SMYD4: variants seen among roughly 807,000 people sequenced by gnomAD.
SMYD4 encodes SET and MYND domain containing 4, also known as protein-lysine N-methyltransferase SMYD4.
Under a neutral mutation model 72.8 loss-of-function variants are expected in SMYD4, and 68 were observed. The observed-to-expected ratio is 0.93, with a 90% CI of 0.77 to 1.14. SMYD4 has a LOEUF of 1.14. SMYD4 is among the 50% of genes most tolerant of loss of function. SMYD4 has a pLI of 0.00. For missense variants in SMYD4, 984 were observed against 1,003.7 expected (o/e 0.98, Z 0.27); for synonymous variants, 407 against 388.6 (o/e 1.05, Z -0.56).
At chr17:1,789,702 T>C (rs1490341908) in intron 5 of SMYD4, among the ~76,000 whole-genome samples, 2 of 138,314 alleles carry the variant, frequency 1.4e-5, no homozygotes, top group African/African-American at 5.2e-5. Flanking sequence ...GAGGTGGAGG[T>C]TGCAGTGAGC....
chr17:1,783,040 G>T lies in SMYD4; in HGVS notation c.2256C>A (p.Phe752Leu). The change falls in exon 10 of 11, where the codon TTC (phenylalanine) becomes TTA (leucine). Residue 752 changes from phenylalanine to leucine, a missense_variant. Phe to Leu is a conservative substitution (Grantham distance 22). Transcript: ENST00000305513. ...HELFKLAQIF[F>L]NGFAVPEALS... is the part of the protein sequence containing the mutation. ...GAAGTGGGAAAGGGACTCACCCGTT[G>T]AAAAAGATCTGGGCCAATTTGAAGA... The T allele has an allele frequency of 1.9e-6, 3 of 1,613,906 alleles. No homozygotes were observed. The highest frequency in any genetic ancestry group is 2.5e-6 in the Non-Finnish European group (3 of 1,179,958).
At chr17:1,798,920 T>G (rs1315943581) in intron 5 of SMYD4, among the ~76,000 whole-genome samples, 1 of 150,514 alleles carries the variant, frequency 6.6e-6, no homozygotes, top group Non-Finnish European at 1.5e-5. Flanking sequence ...ATAAATAAAG[T>G]AAAATAAAAA....
intron 7 of SMYD4, 23 bp from the exon 8 acceptor site, chr17:1,784,484 T>C (rs372223314): frequency 1.8e-5 from 29 of 1,613,536 alleles, no homozygotes; most frequent in Middle Eastern, 1.7e-4. Context: ...GTTTTCTCTT[T>C]ATTCCAATGC....
In SMYD4 at chr17:1,800,351, CAA is replaced by C. The variant is rs1567775384; in HGVS notation, c.1041_1042del (p.Phe347LeufsTer14). ...AAGAGTCAACCTCAGGGCAATGTGG[CAA>C]AAGACACCCAGTGTGAGAAGCAGCC... On this transcript the variant is annotated frameshift_variant, in exon 5 of 11. Transcript: ENST00000305513. LOFTEE classifies it high-confidence loss of function. The C allele has an allele frequency of 1.2e-6, 2 of 1,614,162 alleles. No homozygotes were observed. The highest frequency in any genetic ancestry group is 1.3e-5 in the African/African-American group (1 of 75,048).
At chr17:1,796,210 T>G (rs1329905560) in intron 5 of SMYD4, among the ~76,000 whole-genome samples, 1 of 151,552 alleles carries the variant, frequency 6.6e-6, no homozygotes, top group Non-Finnish European at 1.5e-5. Flanking sequence ...CATGTCTCAC[T>G]GAAGCCTCGA....
At chr17:1,788,900 T>C (rs955893055) in intron 5 of SMYD4, among the ~76,000 whole-genome samples, 1 of 152,158 alleles carries the variant, frequency 6.6e-6, no homozygotes, top group African/African-American at 2.4e-5. Context: ...AAAGATAACC[T>C]TGGGCACACA....
chr17:1,793,716 T>C (rs1290625392), intron 5 of SMYD4, among the ~76,000 whole-genome samples: 2 of 151,902 alleles, frequency 1.3e-5, no homozygotes, highest in African/African-American at 4.8e-5. Flanking sequence ...GTGGTCATGT[T>C]TGCAAACAGC....
chr17:1,806,147 G>A (rs1049550324), intron 3 of SMYD4, among the ~76,000 whole-genome samples: 5 of 151,860 alleles, frequency 3.3e-5, no homozygotes, highest in East Asian at 1.9e-4. Flanking sequence ...GGATGGTCTC[G>A]ATCTCGTGAC....
chr17:1,784,564 G>A, intron 7 of SMYD4, 103 bp from the exon 8 acceptor site: 1 of 1,528,928 alleles, frequency 6.5e-7, no homozygotes, highest in Non-Finnish European at 8.8e-7. Context: ...CCTCATGGGG[G>A]AAAGAGACTC....
chr17:1,800,632 G>T lies in SMYD4; in HGVS notation c.762C>A (p.Leu254=). Reference sequence around the variant, plus strand: ...CCTCCTGCACCAGGAGCTCTCCTGGGAGAATATCTTTTGTGGCAACGAGAC... The same window carrying T: ...CCTCCTGCACCAGGAGCTCTCCTGGTAGAATATCTTTTGTGGCAACGAGAC... The part of the protein sequence containing the change: ...GRCLVATKDI[L]PGELLVQEDA... The change falls in exon 5 of 11, where the codon CTC becomes CTA. Residue 254 remains leucine (L), a synonymous_variant. Transcript: ENST00000305513. 1 of 1,614,174 alleles carries T rather than the reference G, an allele frequency of 6.2e-7. No individual in the cohort carries two copies.
intron 2 of SMYD4, among the ~76,000 whole-genome samples, chr17:1,812,545 C>CTTTT (rs71150818): frequency 3.8e-4 from 24 of 63,690 alleles, no homozygotes; most frequent in Admixed American, 8.5e-4. Flanking sequence ...AGCAGAATTT[C>CTTTT]TTTTTTTTTT....
In SMYD4 at chr17:1,800,776, T is replaced by C; in HGVS notation, c.618A>G (p.Glu206=). The part of the protein sequence containing the change: ...MKMQEKDSLT[E]SFPAALAKTL... ...TTTTGGCCAGAGCTGCTGGGAAGCT[T>C]TCTGTGAGACTGTCCTTTTCTTGCA... The change falls in exon 5 of 11, where the codon GAA becomes GAG. Residue 206 remains glutamate, a synonymous_variant. Transcript: ENST00000305513. 1.2e-6 allele frequency: 2 copies of C among 1,614,178 alleles called. No homozygotes were observed. Among genetic ancestry groups the C allele is most frequent in the South Asian group, 2.2e-5 (2 of 91,084 alleles).
intron 3 of SMYD4, among the ~76,000 whole-genome samples, chr17:1,807,653 G>A (rs966796809): frequency 3.9e-5 from 6 of 152,162 alleles, no homozygotes; most frequent in Non-Finnish European, 5.9e-5. Flanking sequence ...GCGAGCCACC[G>A]CGCCCGGCCT....
At position 1,781,410 on chromosome 17, in the gene SMYD4, A is replaced by G; in HGVS notation, c.2291T>C (p.Ile764Thr). Residue 764 changes from isoleucine to threonine, a missense_variant, in exon 11 of 11, where the codon ATA becomes ACA. By Grantham distance (89) the Ile-to-Thr change is moderately conservative. Coordinates refer to ENST00000305513, the MANE Select transcript of SMYD4 (RefSeq NM_052928.3). The stretch of plus-strand genomic sequence containing the variant: ...CGACAGAACCTCCTCAGCTTTCTGT[A>G]TTGTGCTCAGGGCTTCGGGTACTGC... The part of the protein sequence containing the change: ...GFAVPEALST[I>T]QKAEEVLSLH... The G allele has an allele frequency of 4.3e-6, 7 of 1,614,056 alleles. No individual in the cohort carries two copies. Among genetic ancestry groups the G allele is most frequent in the Non-Finnish European group, 5.9e-6 (7 of 1,179,988 alleles).
chr17:1,819,150 A>T (rs1183981105), intron 2 of SMYD4, among the ~76,000 whole-genome samples: 2 of 152,062 alleles, frequency 1.3e-5, no homozygotes, highest in African/African-American at 4.8e-5. Flanking sequence ...TGAGGTCAGG[A>T]GTTCGAGACC....
At chr17:1,788,606 G>A (rs1908833255) in intron 5 of SMYD4, among the ~76,000 whole-genome samples, 1 of 151,976 alleles carries the variant, frequency 6.6e-6, no homozygotes. Context: ...TTAGCTGGGT[G>A]TGGTGGTACG....
At chr17:1,820,308 T>G (rs775664712) in intron 2 of SMYD4, among the ~76,000 whole-genome samples, 1 of 152,056 alleles carries the variant, frequency 6.6e-6, no homozygotes, top group East Asian at 1.9e-4. Flanking sequence ...GGTACCATCA[T>G]AGCTCACGAC....
Position 1,789,391 on chromosome 17 carries a change from C to CA in SMYD4, c.1538-1788dup, listed in dbSNP as rs907053158. Among the ~76,000 whole-genome samples, 11 of 147,646 alleles carry CA rather than the reference C, an allele frequency of 7.5e-5. 1 individual carries two copies. The South Asian group carries it at 1.1e-3, about 15-fold the overall frequency. ...GACAGAGCAAAACTGTCTCGCAAAA[C>CA]AAAAAAAACAAATTCACCAAAGAAA... On this transcript the variant is annotated intron_variant, in intron 5 of 10. Coordinates refer to ENST00000305513, the MANE Select transcript of SMYD4 (RefSeq NM_052928.3).
chr17:1,791,101 T>A (rs1293763207), intron 5 of SMYD4, among the ~76,000 whole-genome samples: 2 of 107,238 alleles, frequency 1.9e-5, no homozygotes, highest in Non-Finnish European at 3.7e-5. Flanking sequence ...CACTCCAGCC[T>A]GGGCTGGCCC....
Sources: gnomAD v4.1 joint callset for allele counts (sites outside exome capture counted in the v4.1 genomes callset) on GRCh38, gnomAD v4.1.1 for gene constraint, MANE v1.5 for transcripts, NCBI Gene and HGNC (gene_info 2026-07-23, HGNC 2026-07-21) for gene names.